Variants in AKAP12 observed in about 807,000 individuals in gnomAD.
The protein encoded by AKAP12 is A-kinase anchor protein 12.
A neutral mutation model predicts 79.9 loss-of-function variants in AKAP12; 32 were observed. The ratio of observed to expected loss-of-function variants is 0.40; its 90% confidence interval spans 0.30 to 0.54. AKAP12 has a LOEUF of 0.54. Ranked by LOEUF, AKAP12 falls within the 20% of genes least tolerant of loss-of-function variation. AKAP12 has a pLI of 0.48. For synonymous variants in AKAP12, 808 were observed against 857.0 expected (o/e 0.94, Z 1.00); for missense variants, 2,074 against 2,177.0 (o/e 0.95, Z 0.94).
intron 2 of AKAP12, among the ~76,000 whole-genome samples, chr6:151,303,220 T>C (rs746621723): frequency 3.3e-5 from 5 of 152,130 alleles, no homozygotes; most frequent in Admixed American, 1.3e-4. Context: ...AGAAATACTC[T>C]GACATTTTTG....
At chr6:151,257,242 G>A (rs968004328) in intron 2 of AKAP12, among the ~76,000 whole-genome samples, 2 of 151,936 alleles carry the variant, frequency 1.3e-5, no homozygotes, top group Non-Finnish European at 2.9e-5. Flanking sequence ...AGTGTCTACT[G>A]TTGCCATCTT....
intron 3 of AKAP12, among the ~76,000 whole-genome samples, chr6:151,310,394 C>G (rs943889403): frequency 2.0e-5 from 3 of 151,880 alleles, no homozygotes; most frequent in African/African-American, 7.2e-5. Context: ...AACAGAAACC[C>G]AAACAGGAAT....
At chr6:151,289,605 G>A (rs1347438201) in intron 2 of AKAP12, among the ~76,000 whole-genome samples, 2 of 152,182 alleles carry the variant, frequency 1.3e-5, no homozygotes, top group African/African-American at 4.8e-5. Flanking sequence ...TGATAAGAAG[G>A]TTGCAAGATG....
chr6:151,257,467 T>C (rs570994254), intron 2 of AKAP12, among the ~76,000 whole-genome samples: 23 of 152,246 alleles, frequency 1.5e-4, no homozygotes, highest in African/African-American at 5.5e-4. Flanking sequence ...TGGCTAATTT[T>C]TGTATTTTTA....
chr6:151,332,886 C>T (rs902575592), intron 3 of AKAP12, among the ~76,000 whole-genome samples: 1 of 152,324 alleles, frequency 6.6e-6, no homozygotes, highest in South Asian at 2.1e-4. Context: ...GTGAGCACCA[C>T]GACTGGGCTT....
chr6:151,322,209 G>C (rs1187076516), intron 3 of AKAP12, among the ~76,000 whole-genome samples: 2 of 151,980 alleles, frequency 1.3e-5, no homozygotes, highest in Non-Finnish European at 2.9e-5. Context: ...CGCCCAACCT[G>C]TTGTCTTTTT....
chr6:151,343,931 C>A, intron 3 of AKAP12: 1 of 456,536 alleles, frequency 2.2e-6, no homozygotes, highest in Non-Finnish European at 4.1e-6. Context: ...GAATACTATA[C>A]ATGCTTTAAA....
rs549232184 is a variant in AKAP12 at position 151,357,943 on chromosome 6, C to T, written c.*2229C>T. The T allele has an allele frequency of 2.6e-5, 4 of 152,214 alleles. No individual in the cohort carries two copies. In the South Asian group the frequency reaches 6.2e-4, roughly 24 times the overall value. The allele number at this position is 152,214 out of a possible 1,614,324, so 9.4% of individuals were successfully genotyped here. A position where few individuals can be genotyped will look rare whatever the true frequency, so the allele number is the denominator to read the frequency against. On this transcript the variant is annotated 3_prime_UTR_variant, in exon 5 of 5. Coordinates refer to ENST00000402676, the MANE Select transcript of AKAP12 (RefSeq NM_005100.4). ...TTCCACCCGCGTTTGTCTTTTCCTA[C>T]CACCTGTGGCCAGGTGCTCGCTGGC...
chr6:151,311,068 T>C (rs935923330), intron 3 of AKAP12, among the ~76,000 whole-genome samples: 2 of 152,186 alleles, frequency 1.3e-5, no homozygotes, highest in African/African-American at 4.8e-5. Context: ...TCTGGGCACA[T>C]GTGATCCTCC....
chr6:151,240,585 A>G lies in AKAP12; in HGVS notation c.23A>G (p.Glu8Gly). 6.9e-7 allele frequency: 1 copy of G among 1,446,070 alleles called. No homozygotes were observed. The highest frequency in any genetic ancestry group is 9.0e-7 in the Non-Finnish European group (1 of 1,106,520). The allele number at this position is 1,446,070 out of a possible 1,614,324, so 89.6% of individuals were successfully genotyped here. Residue 8 changes from glutamate (E) to glycine (G), a missense_variant, in exon 2 of 5, where the codon GAG becomes GGG. By Grantham distance (98) the Glu-to-Gly change is moderately conservative (BLOSUM62 -2). Transcript: ENST00000402676. MGAGSST[E>G]QRSPEQPPEG... ...GCCATGGGCGCCGGGAGCTCCACCGAGCAGCGCAGCCCGGAGCAGCCGCCC... is the reference window on the plus strand; with the variant it reads ...GCCATGGGCGCCGGGAGCTCCACCGGGCAGCGCAGCCCGGAGCAGCCGCCC...
chr6:151,257,770 G>C (rs1797330366), intron 2 of AKAP12, among the ~76,000 whole-genome samples: 1 of 152,160 alleles, frequency 6.6e-6, no homozygotes, highest in South Asian at 2.1e-4. Flanking sequence ...AAGTGCCTTA[G>C]ATTATCCTGA....
intron 3 of AKAP12, among the ~76,000 whole-genome samples, chr6:151,344,789 C>T (rs1264286984): frequency 6.6e-6 from 1 of 152,180 alleles, no homozygotes; most frequent in Non-Finnish European, 1.5e-5. Context: ...CTGCCTGGAC[C>T]TCCCAAAGTG....
Position 151,337,976 on chromosome 6 carries a change from G to A in AKAP12, c.320-10735G>A, listed in dbSNP as rs187492497. Reference sequence around the variant, plus strand: ...CGCTTGAGCCCTGGAAGCGGAGGCTGCAGTGAGCCAAGATGACGCCATGGT... The same window carrying A: ...CGCTTGAGCCCTGGAAGCGGAGGCTACAGTGAGCCAAGATGACGCCATGGT... On this transcript the variant is annotated intron_variant, in intron 3 of 4. Transcript: ENST00000402676. Among the ~76,000 whole-genome samples, 384 of 152,350 alleles carry A rather than the reference G, an allele frequency of 2.5e-3. 2 individuals are homozygous for A. The highest frequency in any genetic ancestry group is 8.6e-3 in the African/African-American group (357 of 41,586).
At chr6:151,325,431 G>T in intron 3 of AKAP12, 1 of 985,430 alleles carries the variant, frequency 1.0e-6, no homozygotes, top group Non-Finnish European at 1.2e-6. Flanking sequence ...CTCATGCCCA[G>T]CACCCTTTAA....
chr6:151,246,545 G>A (rs1197661273), intron 2 of AKAP12, among the ~76,000 whole-genome samples: 1 of 152,130 alleles, frequency 6.6e-6, no homozygotes, highest in Non-Finnish European at 1.5e-5. Flanking sequence ...GCCTTCATGG[G>A]TATCAGATTT....
rs1377693231 is a variant in AKAP12, at chr6:151,350,627, C to G, written c.2236C>G (p.Gln746Glu). ...DPGQGSSSPE[Q>E]AGSPTEGEGV... is the part of the protein sequence containing the mutation. ...AGGGCAGGGAAGTTCCTCCCCGGAG[C>G]AAGCTGGAAGCCCTACCGAAGGGGA... Residue 746 changes from glutamine to glutamate, a missense_variant, in exon 4 of 5, where the codon CAA becomes GAA. Gln to Glu is a conservative substitution (Grantham distance 29). Coordinates refer to ENST00000402676, the MANE Select transcript of AKAP12 (RefSeq NM_005100.4). This position sits in a 1 kb window ranked among gnomAD's most constrained non-coding sequence, Gnocchi z 4.8. 2 of 1,614,020 alleles carry G rather than the reference C, an allele frequency of 1.2e-6. No individual in the cohort carries two copies. The highest frequency in any genetic ancestry group is 2.2e-5 in the East Asian group (1 of 44,856).
Position 151,352,262 on chromosome 6 carries a change from G to A in AKAP12, c.3871G>A (p.Gly1291Ser). 5 of 1,614,170 alleles carry A rather than the reference G, an allele frequency of 3.1e-6. No individual in the cohort carries two copies. The highest frequency in any genetic ancestry group is 4.2e-6 in the Non-Finnish European group (5 of 1,180,024). The change falls in exon 4 of 5, where the codon GGC becomes AGC. Residue 1291 changes from glycine to serine, a missense_variant. Coordinates refer to ENST00000402676, the MANE Select transcript of AKAP12 (RefSeq NM_005100.4). ...AGGACTTGAGGGGTCTATAGACACA[G>A]GCATAACAGTCAGTCGGGAAAAGGT... ...FEGLEGSIDT[G>S]ITVSREKVTE... is the part of the protein sequence containing the mutation.
Position 151,352,164 on chromosome 6 carries a change from T to C in AKAP12, c.3773T>C (p.Leu1258Pro), listed in dbSNP as rs1778311379. ...GTGTCAGTGGAAACTGTATCCATTCTGTCAAAGACTGAGGGGACTCAAGAG... is the reference window on the plus strand; with the variant it reads ...GTGTCAGTGGAAACTGTATCCATTCCGTCAAAGACTGAGGGGACTCAAGAG... ...KEVSVETVSI[L>P]SKTEGTQEAD... Residue 1258 changes from leucine (L) to proline (P), a missense_variant, in exon 4 of 5, where the codon CTG (leucine) becomes CCG (proline). Around this residue, in one of 3 missense-constraint regions of AKAP12, gnomAD observed 614 missense variants for 665.6 expected, o/e 0.92. Transcript: ENST00000402676. The C allele has an allele frequency of 6.2e-7, 1 of 1,614,058 alleles. No homozygotes were observed. The highest frequency in any genetic ancestry group is 1.3e-5 in the African/African-American group (1 of 74,912).
At chr6:151,245,247 G>A (rs1047667900) in intron 2 of AKAP12, among the ~76,000 whole-genome samples, 15 of 151,644 alleles carry the variant, frequency 9.9e-5, no homozygotes, top group African/African-American at 3.2e-4. Flanking sequence ...AGCCATTCAT[G>A]CGAAGTTAGA....
Sources: gnomAD v4.1 joint callset for allele counts (sites outside exome capture counted in the v4.1 genomes callset) on GRCh38, gnomAD v4.1.1 for gene constraint, gnomAD v4.1.1 regional missense constraint, Gnocchi (gnomAD v3.1) non-coding constraint, MANE v1.5 for transcripts, NCBI Gene and HGNC (gene_info 2026-07-23, HGNC 2026-07-21) for gene names.